Variants in GALNT13 observed in about 807,000 individuals in gnomAD.
The protein encoded by GALNT13 is polypeptide N-acetylgalactosaminyltransferase 13.
GALNT13 carries 28 observed loss-of-function variants against 64.2 expected under a neutral mutation model. That is an observed-to-expected ratio of 0.44 (90% CI 0.32 to 0.60). GALNT13 has a LOEUF of 0.60. GALNT13 is among the 20% of genes least tolerant of loss of function. GALNT13 has a pLI of 0.05. For synonymous variants in GALNT13, 214 were observed against 224.6 expected, an observed-to-expected ratio of 0.95 and a Z score of 0.42; for missense variants, 577 against 669.8, an observed-to-expected ratio of 0.86 and a Z score of 1.53.
At chr2:153,505,636 T>C in the GALNT13 span, among the ~76,000 whole-genome samples, 2 of 151,710 alleles carry the variant, frequency 1.3e-5, no homozygotes, top group South Asian at 4.1e-4. Flanking sequence ...AGCAGGTTAC[T>C]TAATTTCTAT....
At chr2:153,917,601 G>A (rs893418840) in intron 2 of GALNT13, among the ~76,000 whole-genome samples, 1 of 152,126 alleles carries the variant, frequency 6.6e-6, no homozygotes, top group Non-Finnish European at 1.5e-5. Context: ...GATGTTATAA[G>A]TAATAAACTT....
At chr2:153,393,992 C>CACACACACACACA in the GALNT13 span, among the ~76,000 whole-genome samples, 1 of 51,352 alleles carries the variant, frequency 1.9e-5, no homozygotes, top group Non-Finnish European at 4.1e-5. Context: ...ACACACACAC[C>CACACACACACACA]CCCTATTGGT....
At chr2:154,322,618 T>A (rs1694686482) in intron 9 of GALNT13, among the ~76,000 whole-genome samples, 1 of 152,192 alleles carries the variant, frequency 6.6e-6, no homozygotes, top group Non-Finnish European at 1.5e-5. Flanking sequence ...TAGTCCTTTG[T>A]ATTTTTAATC....
chr2:153,942,170 G>A (rs1443737152), intron 2 of GALNT13, among the ~76,000 whole-genome samples: 4 of 151,842 alleles, frequency 2.6e-5, no homozygotes, highest in Admixed American at 2.6e-4. Context: ...TCTTGATTAA[G>A]CCTCACAATA....
rs557999484 is a variant in GALNT13, at chr2:154,427,944, A to T, written c.1396-10648A>T. Among the ~76,000 whole-genome samples, 28 of 152,336 alleles carry T rather than the reference A, an allele frequency of 1.8e-4. No homozygotes were observed. The East Asian group carries it at 4.0e-3, about 22-fold the overall frequency. ...TGAATATGGAGGAAGATAATATTTTAAAAAATAATTCACATTGCTAAAGGT... is the reference window on the plus strand; with the variant it reads ...TGAATATGGAGGAAGATAATATTTTTAAAAATAATTCACATTGCTAAAGGT... On this transcript the variant is annotated intron_variant, in intron 11 of 12. Transcript: ENST00000392825.
At chr2:153,589,341 G>A in the GALNT13 span, among the ~76,000 whole-genome samples, 1 of 152,082 alleles carries the variant, frequency 6.6e-6, no homozygotes, top group African/African-American at 2.4e-5. Context: ...CATTGTCCAT[G>A]TCATTATCAG....
rs1445068942 is a variant in GALNT13 at position 154,451,887 on chromosome 2, G to A, written c.*1336G>A. 3 of 152,084 alleles carry A rather than the reference G, an allele frequency of 2.0e-5. No individual in the cohort carries two copies. The highest frequency in any genetic ancestry group is 4.8e-5 in the African/African-American group (2 of 41,424). 9.4% of individuals were successfully genotyped at this position (152,084 alleles called of 1,614,324 possible). ...TAAGAGAAATTTGAGAGGAAAAGTGGAAGAAGTGTTTTCTGGAGCAGAAGA... is the reference window on the plus strand; with the variant it reads ...TAAGAGAAATTTGAGAGGAAAAGTGAAAGAAGTGTTTTCTGGAGCAGAAGA... On this transcript the variant is annotated 3_prime_UTR_variant, in exon 13 of 13. Coordinates refer to ENST00000392825, the MANE Select transcript of GALNT13 (RefSeq NM_052917.4).
At chr2:153,345,719 GTCCTTCCTTCCT>G in the GALNT13 span, among the ~76,000 whole-genome samples, 462 of 79,952 alleles carry the variant, frequency 5.8e-3, 8 homozygotes, top group Middle Eastern at 0.02. Context: ...CTCTCTTTCT[GTCCTTCCTTCCT>G]TCCTTCCTTC....
chr2:153,424,849 G>A, the GALNT13 span, among the ~76,000 whole-genome samples: 5 of 151,812 alleles, frequency 3.3e-5, no homozygotes, highest in African/African-American at 7.2e-5. Context: ...TAGCCTAAGA[G>A]TTGAAAACAA....
At chr2:154,201,615 A>G (rs946903713) in intron 4 of GALNT13, among the ~76,000 whole-genome samples, 1 of 152,138 alleles carries the variant, frequency 6.6e-6, no homozygotes, top group African/African-American at 2.4e-5. Flanking sequence ...ACCACTGACC[A>G]TAAAATGTTG....
the GALNT13 span, among the ~76,000 whole-genome samples, chr2:153,710,194 A>G: frequency 6.6e-6 from 1 of 152,126 alleles, no homozygotes; most frequent in East Asian, 1.9e-4. Context: ...CGTTGATTTA[A>G]CTATTCCACA....
At chr2:154,455,285 T>G (rs760325745), downstream of GALNT13, among the ~76,000 whole-genome samples, 11 of 152,162 alleles carry the variant, frequency 7.2e-5, no homozygotes, top group Non-Finnish European at 1.5e-4. Flanking sequence ...CTCACAACCA[T>G]TTTACTTGCA....
chr2:154,031,394 TTTTAA>T (rs765311318), intron 3 of GALNT13, among the ~76,000 whole-genome samples: 2 of 151,992 alleles, frequency 1.3e-5, no homozygotes, highest in African/African-American at 4.8e-5. Flanking sequence ...GATGGTAGAT[TTTTAA>T]TTTAACAGTG....
At chr2:153,468,519 T>G in the GALNT13 span, among the ~76,000 whole-genome samples, 11 of 152,230 alleles carry the variant, frequency 7.2e-5, no homozygotes, top group African/African-American at 2.4e-4. Context: ...AAACGAATCT[T>G]TCATCACATT....
chr2:153,822,241 A>T, the GALNT13 span, among the ~76,000 whole-genome samples: 1 of 152,174 alleles, frequency 6.6e-6, no homozygotes, highest in Admixed American at 6.6e-5. Context: ...CCACAAAGCC[A>T]TCATCCCTCT....
Position 154,171,374 on chromosome 2 carries a change from A to G in GALNT13, c.311+30869A>G, listed in dbSNP as rs529061772. On this transcript the variant is annotated intron_variant, in intron 4 of 12. Transcript: ENST00000392825. ...ACATTTCCTCATGGCTTGAACGACA[A>G]TATGTAGAAAAGCATGCTATAAATT... Among the ~76,000 whole-genome samples, 8 of 152,264 alleles carry G rather than the reference A, an allele frequency of 5.3e-5. No individual in the cohort carries two copies. In the East Asian group the frequency reaches 1.4e-3, roughly 26 times the overall value.
chr2:153,754,683 C>T, the GALNT13 span, among the ~76,000 whole-genome samples: 1 of 152,228 alleles, frequency 6.6e-6, no homozygotes, highest in South Asian at 2.1e-4. Flanking sequence ...CCTTACCTTC[C>T]CTGGCTGTCT....
the GALNT13 span, among the ~76,000 whole-genome samples, chr2:153,373,090 G>A: frequency 6.6e-6 from 1 of 151,522 alleles, no homozygotes; most frequent in Non-Finnish European, 1.5e-5. Context: ...TTTTTCTTTT[G>A]TGAAATCTCA....
At chr2:153,273,461 C>G in the GALNT13 span, among the ~76,000 whole-genome samples, 1 of 152,082 alleles carries the variant, frequency 6.6e-6, no homozygotes, top group Non-Finnish European at 1.5e-5. Context: ...ATGCTTCTTA[C>G]CCGGTACTTA....
Sources: allele counts gnomAD v4.1 joint callset (sites outside exome capture counted in the v4.1 genomes callset), GRCh38; gene constraint gnomAD v4.1.1; transcripts MANE v1.5; gene names NCBI Gene and HGNC (gene_info 2026-07-23, HGNC 2026-07-21).